Variants in EDA observed in about 807,000 individuals in gnomAD.
The protein encoded by EDA is ectodysplasin-A.
In EDA, 2 loss-of-function variants were observed where a neutral mutation model predicts 23.6. The observed-to-expected ratio is 0.08, with a 90% CI of 0.03 to 0.27. The LOEUF is 0.27. Among genes scored for constraint, EDA ranks in the 10% least tolerant of loss-of-function variants. The pLI is 1.00. For synonymous variants in EDA, 131 were observed against 132.0 expected (o/e 0.99, Z 0.05); for missense variants, 229 against 324.2 (o/e 0.71, Z 2.26).
chrX:69,617,404 G>T (rs1289070119), intron 1 of EDA: 5 of 127,303 alleles, frequency 3.9e-5, no homozygotes, highest in South Asian at 2.4e-4. Context: ...CTTAAGCGGG[G>T]TAGGTGTGCG....
chrX:69,938,286 G>T (rs2018706604), intron 1 of EDA, among the ~76,000 whole-genome samples: 1 of 110,975 alleles, frequency 9.0e-6, no homozygotes, highest in African/African-American at 3.3e-5. Context: ...AAGTTAAAAT[G>T]GATAAAGGCC....
intron 1 of EDA, among the ~76,000 whole-genome samples, chrX:69,655,974 C>T (rs1013794252): frequency 9.4e-6 from 1 of 106,737 alleles, no homozygotes; most frequent in Non-Finnish European, 1.9e-5. Flanking sequence ...ATCCACTGAT[C>T]TCCTTGCCCA....
intron 1 of EDA, among the ~76,000 whole-genome samples, chrX:69,690,781 A>G (rs912512941): frequency 8.9e-6 from 1 of 111,816 alleles, no homozygotes; most frequent in Non-Finnish European, 1.9e-5. Flanking sequence ...CTTTGTGAGT[A>G]ATTTTTTTAT....
intron 1 of EDA, among the ~76,000 whole-genome samples, chrX:69,759,163 C>A (rs921413264): frequency 8.9e-6 from 1 of 112,051 alleles, no homozygotes; most frequent in South Asian, 3.7e-4. Context: ...GCATCATTCC[C>A]CAATACAGCA....
At chrX:69,708,832 G>A (rs2011847797) in intron 1 of EDA, among the ~76,000 whole-genome samples, 1 of 111,070 alleles carries the variant, frequency 9.0e-6, no homozygotes, top group Non-Finnish European at 1.9e-5. Context: ...CAAGGAAAGG[G>A]ATGTATAAAA....
chrX:69,886,452 A>T (rs764459114), intron 1 of EDA, among the ~76,000 whole-genome samples: 1 of 111,086 alleles, frequency 9.0e-6, no homozygotes, highest in Non-Finnish European at 1.9e-5. Flanking sequence ...AAGGCTGAAG[A>T]CTTCAGTTTC....
intron 1 of EDA, among the ~76,000 whole-genome samples, chrX:69,734,990 C>T (rs1294978688): frequency 1.8e-5 from 2 of 111,092 alleles, no homozygotes; most frequent in Non-Finnish European, 3.8e-5. Flanking sequence ...AAAAATAGAG[C>T]TACCCTATGA....
chrX:69,797,047 G>A (rs1324001130), intron 1 of EDA, among the ~76,000 whole-genome samples: 1 of 110,052 alleles, frequency 9.1e-6, no homozygotes, highest in Non-Finnish European at 1.9e-5. Context: ...GAAGAAAAAA[G>A]AACAAAAAAG....
At chrX:69,962,050 A>C (rs1269133933) in intron 2 of EDA, among the ~76,000 whole-genome samples, 2 of 112,345 alleles carry the variant, frequency 1.8e-5, no homozygotes, top group Non-Finnish European at 3.8e-5. Context: ...AATCAGGTAA[A>C]ATGAATCCAG....
chrX:69,655,965 TC>T (rs1173318755), intron 1 of EDA, among the ~76,000 whole-genome samples: 28 of 106,599 alleles, frequency 2.6e-4, no homozygotes, highest in African/African-American at 8.3e-4. Flanking sequence ...TACTCCATTA[TC>T]CACTGATCTC....
chrX:69,797,586 G>T (rs995947112), intron 1 of EDA, among the ~76,000 whole-genome samples: 5 of 111,325 alleles, frequency 4.5e-5, no homozygotes, highest in African/African-American at 1.6e-4. Context: ...GTTCTCAAGG[G>T]AGTCCTAAAC....
chrX:69,825,704 T>A (rs200533496), intron 1 of EDA, among the ~76,000 whole-genome samples: 1,424 of 56,594 alleles, frequency 0.025, no homozygotes, highest in Non-Finnish European at 0.033. Context: ...TTCCTTCAGT[T>A]CTGCTCTGAT....
At chrX:69,824,387 G>C (rs764343381) in intron 1 of EDA, among the ~76,000 whole-genome samples, 1,433 of 108,795 alleles carry the variant, frequency 0.013, 17 homozygotes, top group African/African-American at 0.044. Context: ...GCAGTGGTTT[G>C]TAGTTCTCCT....
At position 70,035,549 on chromosome X, in the gene EDA, C is replaced by G. The variant is rs2020255486; in HGVS notation, c.1116C>G (p.Asn372Lys). 8.3e-7 allele frequency: 1 copy of G among 1,209,125 alleles called. No individual in the cohort carries two copies. The highest frequency in any genetic ancestry group is 2.2e-5 in the Admixed American group (1 of 45,547). Residue 372 changes from asparagine to lysine, a missense_variant, in exon 8 of 8, where the codon AAC (asparagine) becomes AAG (lysine). By Grantham distance (94) the Asn-to-Lys change is moderately conservative. Around this residue, in one of 2 missense-constraint regions of EDA, gnomAD observed 175 missense variants for 281.8 expected, o/e 0.62. Coordinates refer to ENST00000374552, the MANE Select transcript of EDA (RefSeq NM_001399.5). The part of the protein sequence containing the change: ...VKMVHADISI[N>K]MSKHTTFFGA... Reference sequence around the variant, plus strand: ...TGGTGCACGCTGACATCTCCATCAACATGAGCAAGCACACCACGTTCTTTG... The same window carrying G: ...TGGTGCACGCTGACATCTCCATCAAGATGAGCAAGCACACCACGTTCTTTG...
chrX:69,734,855 A>T (rs2013190072), intron 1 of EDA, among the ~76,000 whole-genome samples: 1 of 111,876 alleles, frequency 8.9e-6, no homozygotes. Flanking sequence ...CTGTTTTTTA[A>T]GAAACACAGA....
chrX:69,996,132 G>A (rs1161807622), intron 2 of EDA, among the ~76,000 whole-genome samples: 2 of 112,549 alleles, frequency 1.8e-5, no homozygotes, highest in African/African-American at 6.5e-5. Context: ...GAAGGATGCA[G>A]TTTGAAGTCA....
intron 1 of EDA, among the ~76,000 whole-genome samples, chrX:69,815,133 G>A (rs990281002): frequency 8.9e-6 from 1 of 111,987 alleles, no homozygotes; most frequent in Admixed American, 9.4e-5. Flanking sequence ...GCAATGGGCT[G>A]GAGTCTGACT....
intron 1 of EDA, among the ~76,000 whole-genome samples, chrX:69,891,655 T>C (rs969827383): frequency 1.8e-5 from 2 of 111,384 alleles, no homozygotes; most frequent in African/African-American, 6.5e-5. Context: ...AGCAAACTAA[T>C]GCAGGAACAG....
At chrX:70,031,252 A>G (rs962639771) in intron 6 of EDA, among the ~76,000 whole-genome samples, 1 of 112,261 alleles carries the variant, frequency 8.9e-6, no homozygotes, top group African/African-American at 3.2e-5. Context: ...AAGTTTCCCA[A>G]TATTTCTTAG....
Sources: gnomAD v4.1 joint callset for allele counts (sites outside exome capture counted in the v4.1 genomes callset) on GRCh38, gnomAD v4.1.1 for gene constraint, gnomAD v4.1.1 regional missense constraint, MANE v1.5 for transcripts, NCBI Gene and HGNC (gene_info 2026-07-23, HGNC 2026-07-21) for gene names.